Variants in PTPRK observed in about 807,000 individuals in gnomAD.
PTPRK encodes the protein receptor-type tyrosine-protein phosphatase kappa.
Under a neutral mutation model 178.0 loss-of-function variants are expected in PTPRK, and 75 were observed. The ratio of observed to expected loss-of-function variants is 0.42; its 90% CI spans 0.35 to 0.51. PTPRK has a LOEUF of 0.51. PTPRK is among the 20% of genes least tolerant of loss of function. PTPRK has a pLI of 0.02. For missense variants in PTPRK, 1,441 were observed against 1,797.8 expected (o/e 0.80, Z 3.59); for synonymous variants, 637 against 620.6 (o/e 1.03, Z -0.39).
At chr6:128,144,265 A>C (rs1161366197) in intron 7 of PTPRK, among the ~76,000 whole-genome samples, 1 of 152,190 alleles carries the variant, frequency 6.6e-6, no homozygotes, top group African/African-American at 2.4e-5. Flanking sequence ...AAAATAACTT[A>C]CCAAATAATG....
At chr6:128,249,927 G>A (rs904973853) in intron 3 of PTPRK, among the ~76,000 whole-genome samples, 1 of 152,178 alleles carries the variant, frequency 6.6e-6, no homozygotes, top group Non-Finnish European at 1.5e-5. Context: ...TGTAGCTCCT[G>A]TAATTCCCAC....
intron 1 of PTPRK, among the ~76,000 whole-genome samples, chr6:128,469,157 T>C (rs564907758): frequency 1.3e-5 from 2 of 152,238 alleles, no homozygotes; most frequent in South Asian, 2.1e-4. Flanking sequence ...AAATGACTAC[T>C]ATAAGGAAGT....
At chr6:128,457,086 C>T (rs1169740299) in intron 1 of PTPRK, among the ~76,000 whole-genome samples, 2 of 152,048 alleles carry the variant, frequency 1.3e-5, no homozygotes, top group African/African-American at 4.8e-5. Flanking sequence ...TATGACTGTA[C>T]CATAGGAGCA....
chr6:127,975,485 G>A (rs931573490), intron 27 of PTPRK, among the ~76,000 whole-genome samples: 2 of 152,046 alleles, frequency 1.3e-5, no homozygotes, highest in African/African-American at 4.8e-5. Context: ...CACACACGTA[G>A]TCATTTTGAT....
chr6:128,052,896 C>T (rs888177119), intron 13 of PTPRK, among the ~76,000 whole-genome samples: 14 of 152,028 alleles, frequency 9.2e-5, no homozygotes, highest in African/African-American at 2.4e-5. Flanking sequence ...CAATGAGGGG[C>T]CCCCTTGAGG....
At chr6:128,083,177 A>G (rs1785122269) in intron 9 of PTPRK, among the ~76,000 whole-genome samples, 1 of 152,098 alleles carries the variant, frequency 6.6e-6, no homozygotes, top group South Asian at 2.1e-4. Context: ...AGAACTACAC[A>G]TTTGTGTAAC....
chr6:128,472,013 GA>G (rs1377235910), intron 1 of PTPRK, among the ~76,000 whole-genome samples: 1 of 152,008 alleles, frequency 6.6e-6, no homozygotes. Flanking sequence ...GAGGAAAAGA[GA>G]GGGGGGAAAG....
intron 7 of PTPRK, among the ~76,000 whole-genome samples, chr6:128,139,013 A>C (rs1193647171): frequency 6.6e-6 from 1 of 152,136 alleles, no homozygotes; most frequent in African/African-American, 2.4e-5. Context: ...GGAATCTATC[A>C]GTGAAAGTTC....
intron 6 of PTPRK, 103 bp from the exon 7 acceptor site, chr6:128,184,828 A>G (rs1802493362): frequency 9.1e-7 from 1 of 1,102,644 alleles, no homozygotes; most frequent in African/African-American, 1.6e-5. Flanking sequence ...ATTTATTAGA[A>G]ATGCATAATA....
chr6:128,380,539 TAC>T (rs59409813), intron 2 of PTPRK, among the ~76,000 whole-genome samples: 1 of 145,980 alleles, frequency 6.9e-6, no homozygotes, highest in African/African-American at 2.5e-5. Flanking sequence ...CACACAGACA[TAC>T]ACACACACAC....
At chr6:128,471,604 TAAAAAAA>T (rs34372021) in intron 1 of PTPRK, among the ~76,000 whole-genome samples, 1 of 63,602 alleles carries the variant, frequency 1.6e-5, no homozygotes, top group African/African-American at 5.5e-5. Context: ...CAAAACAACC[TAAAAAAA>T]AAAAAAAAAA....
At chr6:128,181,959 T>C (rs1361956464) in intron 7 of PTPRK, among the ~76,000 whole-genome samples, 1 of 152,148 alleles carries the variant, frequency 6.6e-6, no homozygotes, top group African/African-American at 2.4e-5. Context: ...TAGACATTCC[T>C]GATGAAATAG....
intron 1 of PTPRK, among the ~76,000 whole-genome samples, chr6:128,476,243 C>A (rs1025846015): frequency 5.3e-5 from 8 of 151,932 alleles, no homozygotes; most frequent in Non-Finnish European, 7.4e-5. Flanking sequence ...TCAACAATAT[C>A]TTGGGACACA....
intron 3 of PTPRK, among the ~76,000 whole-genome samples, chr6:128,249,352 T>C (rs1816067880): frequency 6.8e-6 from 1 of 147,240 alleles, no homozygotes; most frequent in African/African-American, 2.5e-5. Flanking sequence ...AAAAAGTGGA[T>C]AGAATAAAAG....
chr6:128,137,201 C>T (rs1452901245), intron 7 of PTPRK, among the ~76,000 whole-genome samples: 1 of 152,146 alleles, frequency 6.6e-6, no homozygotes, highest in East Asian at 1.9e-4. Flanking sequence ...AAAATTTATA[C>T]AATATATGAG....
intron 1 of PTPRK, among the ~76,000 whole-genome samples, chr6:128,502,187 A>G (rs1164985879): frequency 6.6e-6 from 1 of 152,212 alleles, no homozygotes; most frequent in Admixed American, 6.5e-5. Context: ...TGAAAAGTTT[A>G]CCTTTTATAT....
intron 6 of PTPRK, among the ~76,000 whole-genome samples, chr6:128,209,150 C>A (rs1337915060): frequency 1.3e-5 from 2 of 152,014 alleles, no homozygotes; most frequent in African/African-American, 4.8e-5. Context: ...TTAACTTACT[C>A]CCTAAAAACG....
chr6:128,226,649 A>G (rs1811347019), intron 5 of PTPRK, among the ~76,000 whole-genome samples: 1 of 151,484 alleles, frequency 6.6e-6, no homozygotes, highest in Admixed American at 6.6e-5. Context: ...TGCCCTACAG[A>G]CTTCAGACTT....
rs1453678885 is a variant in PTPRK at position 127,999,048 on chromosome 6, G to A, written c.2495-144C>T. On this transcript the variant is annotated intron_variant, in intron 15 of 29. Coordinates refer to ENST00000368226, the MANE Select transcript of PTPRK (RefSeq NM_002844.4). ...TGGGAAAGAAATATCATACAGTATA[G>A]GCCTAGACAGTATCCCCAAAGACAA... 1.7e-5 allele frequency: 10 copies of A among 598,442 alleles called. No individual in the cohort carries two copies. In the Admixed American group the frequency reaches 4.0e-4, roughly 24 times the overall value. 37.1% of individuals were successfully genotyped at this position (598,442 alleles called of 1,614,324 possible). A position where few individuals can be genotyped will look rare whatever the true frequency, so the allele number is the denominator to read the frequency against.
Sources: gnomAD v4.1 joint callset for allele counts (sites outside exome capture counted in the v4.1 genomes callset) on GRCh38, gnomAD v4.1.1 for gene constraint, MANE v1.5 for transcripts, NCBI Gene and HGNC (gene_info 2026-07-23, HGNC 2026-07-21) for gene names.